SMC1B: variants seen among roughly 807,000 people sequenced by gnomAD.
The protein encoded by SMC1B is structural maintenance of chromosomes protein 1B.
Under a neutral mutation model 157.9 loss-of-function variants are expected in SMC1B, and 60 were observed. The observed-to-expected ratio is 0.38, with a 90% CI of 0.31 to 0.47. The LOEUF (loss-of-function observed/expected upper bound fraction) is 0.47, where lower values mean the gene tolerates loss of function less well. SMC1B is among the 20% of genes least tolerant of loss of function. The probability of loss-of-function intolerance (pLI) is 0.99; values close to 1 mark genes in which losing one functional copy is unlikely to be tolerated. For missense variants in SMC1B, 1,165 were observed against 1,426.2 expected (o/e 0.82, Z 2.95); for synonymous variants, 445 against 483.0 (o/e 0.92, Z 1.03).
At chr22:45,386,774 G>A (rs2086993745) in intron 11 of SMC1B, 93 bp downstream of exon 11, 6 of 1,121,544 alleles carry the variant, frequency 5.3e-6, no homozygotes, top group Middle Eastern at 2.1e-4. Flanking sequence ...CACATAAAAC[G>A]CATATGTAAA....
intron 1 of SMC1B, among the ~76,000 whole-genome samples, chr22:45,409,610 A>AAATC (rs141154746): frequency 2.9e-5 from 1 of 34,550 alleles, no homozygotes; most frequent in African/African-American, 1.8e-4. Flanking sequence ...ATAAATAAAT[A>AAATC]AAAACAAGAG....
At chr22:45,399,403 T>C (rs1176289847) in intron 5 of SMC1B, 50 bp from the exon 6 acceptor site, 1 of 1,497,952 alleles carries the variant, frequency 6.7e-7, no homozygotes, top group South Asian at 1.3e-5. Flanking sequence ...TTCTTTAATA[T>C]ATAAAGGGAA....
At chr22:45,406,981 T>C in intron 2 of SMC1B, 116 bp from the exon 3 acceptor site, 1 of 653,568 alleles carries the variant, frequency 1.5e-6, no homozygotes, top group Non-Finnish European at 2.5e-6. Context: ...TATATAATAA[T>C]ATACATGGGA....
At chr22:45,403,318 G>C (rs531513584) in intron 4 of SMC1B, among the ~76,000 whole-genome samples, 1 of 152,290 alleles carries the variant, frequency 6.6e-6, no homozygotes, top group South Asian at 2.1e-4. Context: ...TGAAGACACA[G>C]AGAAACATCA....
At chr22:45,345,370 A>T in intron 24 of SMC1B, 89 bp downstream of exon 24, 1 of 693,510 alleles carries the variant, frequency 1.4e-6, no homozygotes, top group Non-Finnish European at 2.5e-6. Flanking sequence ...CTCCATTTGG[A>T]AGTTTTAATT....
chr22:45,406,280 G>A (rs112594599), intron 4 of SMC1B, among the ~76,000 whole-genome samples, 180 bp downstream of exon 4: 7 of 151,994 alleles, frequency 4.6e-5, no homozygotes, highest in African/African-American at 1.2e-4. Flanking sequence ...CTGCCTATTC[G>A]GAAAGAAAAA....
chr22:45,382,856 G>A (rs1481935480), intron 12 of SMC1B, among the ~76,000 whole-genome samples: 1 of 152,118 alleles, frequency 6.6e-6, no homozygotes. Flanking sequence ...CTATCAGGCC[G>A]GGCACAGTGG....
intron 2 of SMC1B, among the ~76,000 whole-genome samples, chr22:45,407,466 CT>C (rs549503294): frequency 0.013 from 1,957 of 149,056 alleles, 45 homozygotes; most frequent in African/African-American, 0.045. Context: ...CTATCTTTAT[CT>C]TTTTTTTTTT....
At chr22:45,353,893 C>CAAAAAAAAAAAA (rs3833396) in intron 21 of SMC1B, 85 bp downstream of exon 21, 3,418 of 247,404 alleles carry the variant, frequency 0.014, 929 homozygotes, top group Non-Finnish European at 0.015. Context: ...TATTTCCCAC[C>CAAAAAAAAAAAA]AAAAAAAAAA....
intron 21 of SMC1B, 71 bp downstream of exon 21, chr22:45,353,907 A>C (rs2086640585): frequency 6.0e-6 from 4 of 661,308 alleles, no homozygotes; most frequent in Admixed American, 4.7e-5. Context: ...AAAAAAAAAA[A>C]AAAAAAAAAA....
rs906495000 is a variant in SMC1B, at chr22:45,378,420, C to A, written c.2058+5047G>T. On this transcript the variant is annotated intron_variant, in intron 12 of 24. Coordinates refer to ENST00000357450, the MANE Select transcript of SMC1B (RefSeq NM_148674.5). ...ATGATCAATTTTCATAAATGTTTAA[C>A]AGATATTTTTAACAGTATCTCACAT... 8.5e-5 allele frequency among the ~76,000 whole-genome samples: 13 copies of A among 152,216 alleles called. No individual in the cohort carries two copies. In the South Asian group the frequency reaches 2.7e-3, roughly 32 times the overall value.
chr22:45,353,186 C>T (rs999507835), intron 21 of SMC1B, among the ~76,000 whole-genome samples: 4 of 150,236 alleles, frequency 2.7e-5, no homozygotes, highest in African/African-American at 7.4e-5. Flanking sequence ...CACTTGAACC[C>T]GGGAGGTGGA....
chr22:45,358,531 C>T (rs2086690711), intron 19 of SMC1B, among the ~76,000 whole-genome samples, 166 bp downstream of exon 19: 1 of 152,138 alleles, frequency 6.6e-6, no homozygotes, highest in Non-Finnish European at 1.5e-5. Flanking sequence ...CAATTTGTGT[C>T]AGAAGTTTCA....
Position 45,354,943 on chromosome 22 carries a change from C to T in SMC1B, c.3118+16G>A, listed in dbSNP as rs752477066. 9.9e-6 allele frequency: 16 copies of T among 1,612,454 alleles called. No individual in the cohort carries two copies. Among genetic ancestry groups the T allele is most frequent in the Admixed American group, 3.3e-5 (2 of 59,966 alleles). ...CCCATGAATATAATCTTGTTAGTGA[C>T]TACACTCAATTTTACCATCTGTGGA... On this transcript the variant is annotated intron_variant, in intron 20 of 24. Coordinates refer to ENST00000357450, the MANE Select transcript of SMC1B (RefSeq NM_148674.5).
At chr22:45,409,601 TAAATAAATAAAA>T (rs752027649) in intron 1 of SMC1B, among the ~76,000 whole-genome samples, 106 of 83,664 alleles carry the variant, frequency 1.3e-3, no homozygotes, top group Admixed American at 2.5e-3. Flanking sequence ...AATAAATAAA[TAAATAAATAAAA>T]ACAAGAGAAG....
intron 11 of SMC1B, among the ~76,000 whole-genome samples, chr22:45,384,427 A>C (rs958830159): frequency 6.6e-6 from 1 of 152,002 alleles, no homozygotes; most frequent in Non-Finnish European, 1.5e-5. Context: ...CCTGTCTCTG[A>C]GATTAAGAAA....
At chr22:45,413,229 A>T (rs566852942) in intron 1 of SMC1B, among the ~76,000 whole-genome samples, 1 of 151,852 alleles carries the variant, frequency 6.6e-6, no homozygotes, top group South Asian at 2.1e-4. Context: ...GGGCGGAGGG[A>T]CAAGGGTCGG....
In SMC1B at chr22:45,344,616, A is replaced by G; in HGVS notation, c.3648T>C (p.Leu1216=). The change falls in exon 25 of 25, where the codon CTT becomes CTC. Residue 1216 remains leucine (L), a synonymous_variant. Coordinates refer to ENST00000357450, the MANE Select transcript of SMC1B (RefSeq NM_148674.5). ...GGCCTTCAGTGTCTGGATACTGAGA[A>G]AGATCTAGGGTCAAAACTCGGCTGA... ...CMFSRVLTLD[L]SQYPDTEGQE... is the part of the protein sequence containing the mutation. 1 of 1,614,138 alleles carries G rather than the reference A, an allele frequency of 6.2e-7. No homozygotes were observed. The highest frequency in any genetic ancestry group is 8.5e-7 in the Non-Finnish European group (1 of 1,179,972).
chr22:45,365,791 A>C (rs1460436434), intron 15 of SMC1B, among the ~76,000 whole-genome samples: 13 of 152,198 alleles, frequency 8.5e-5, no homozygotes, highest in Admixed American at 8.5e-4. Context: ...CATACTATTC[A>C]CAAGAAAAAA....
Sources: gnomAD v4.1 joint callset for allele counts (sites outside exome capture counted in the v4.1 genomes callset) on GRCh38, gnomAD v4.1.1 for gene constraint, MANE v1.5 for transcripts, NCBI Gene and HGNC (gene_info 2026-07-23, HGNC 2026-07-21) for gene names.